The following HELQ variants were observed in gnomAD, a reference collection of about 807,000 sequenced individuals.
The protein encoded by HELQ is helicase, POLQ like.
In HELQ, 77 loss-of-function variants were observed where a neutral mutation model predicts 111.6. The observed-to-expected ratio is 0.69, with a 90% CI of 0.57 to 0.83. The LOEUF is 0.83. HELQ is among the 40% of genes least tolerant of loss of function. The pLI, the probability that HELQ is intolerant of heterozygous loss-of-function variation, is 0.00. For missense variants in HELQ, 1,200 were observed against 1,288.5 expected, an observed-to-expected ratio of 0.93 and a Z score of 1.05; for synonymous variants, 438 against 454.7, an observed-to-expected ratio of 0.96 and a Z score of 0.47.
In HELQ at chr4:83,432,134, T is replaced by C; in HGVS notation, c.2182A>G (p.Lys728Glu). 1.3e-6 allele frequency: 2 copies of C among 1,578,770 alleles called. No homozygotes were observed. The highest frequency in any genetic ancestry group is 1.8e-5 in the Admixed American group (1 of 54,506). The change falls in exon 10 of 18, where the codon AAA (lysine) becomes GAA (glutamate). Residue 728 changes from lysine (K) to glutamate (E), a missense_variant. By Grantham distance (56) the Lys-to-Glu change is moderately conservative (BLOSUM62 1). Around this residue, in one of 3 missense-constraint regions of HELQ, gnomAD observed 585 missense variants for 665.3 expected, o/e 0.88. Coordinates refer to ENST00000295488, the MANE Select transcript of HELQ (RefSeq NM_133636.5). Reference protein sequence around the residue: ...ESILILQEKDKQQVLELITKP... With the variant: ...ESILILQEKDEQQVLELITKP... ...ACCAAATTGAGTATTACCTGTTGTT[T>C]GTCTTTTTCTTGCAATATGAGGATA...
At chr4:83,429,892 A>G (rs746046642) in intron 11 of HELQ, 146 bp from the exon 12 acceptor site, 8 of 532,770 alleles carry the variant, frequency 1.5e-5, no homozygotes, top group Non-Finnish European at 2.3e-5. Context: ...GCATATATAA[A>G]TTTATAATGG....
intron 2 of HELQ, 66 bp downstream of exon 2, chr4:83,453,165 T>C: frequency 2.3e-6 from 2 of 866,686 alleles, no homozygotes; most frequent in Non-Finnish European, 3.6e-6. Flanking sequence ...TTTGCTTCTA[T>C]TTACTTGCAC....
chr4:83,450,251 A>AAAAAAAAAAAC (rs1721281450), intron 2 of HELQ, among the ~76,000 whole-genome samples: 1 of 141,728 alleles, frequency 7.1e-6, no homozygotes, highest in Non-Finnish European at 1.5e-5. Context: ...AAAAAAAAAA[A>AAAAAAAAAAAC]AAAGCAGATC....
chr4:83,443,128 A>T (rs1344129820), intron 6 of HELQ, among the ~76,000 whole-genome samples: 2 of 152,058 alleles, frequency 1.3e-5, no homozygotes, highest in Admixed American at 6.5e-5. Context: ...ATAAATATTT[A>T]AAAATATTTT....
intron 14 of HELQ, 84 bp from the exon 15 acceptor site, chr4:83,421,820 GTTGTA>G: frequency 2.0e-6 from 2 of 1,017,280 alleles, no homozygotes; most frequent in Non-Finnish European, 3.0e-6. Context: ...GAAAACTGAA[GTTGTA>G]TTACAGAATA....
intron 14 of HELQ, among the ~76,000 whole-genome samples, chr4:83,425,297 A>T (rs991670705): frequency 6.8e-5 from 10 of 147,392 alleles, no homozygotes; most frequent in Admixed American, 2.0e-4. Flanking sequence ...AAAAAAAAAA[A>T]GGTGTGGGGG....
In HELQ at chr4:83,408,552, C is replaced by CT. The variant is rs546749656; in HGVS notation, c.3199-993dup. 7.1e-3 allele frequency among the ~76,000 whole-genome samples: 1,007 copies of CT among 141,952 alleles called. 4 individuals are homozygous for CT. Among genetic ancestry groups the CT allele is most frequent in the South Asian group, 0.021 (95 of 4,442 alleles). 93.1% of individuals were successfully genotyped at this position (141,952 alleles called of 152,430 possible). On this transcript the variant is annotated intron_variant, in intron 17 of 17. Transcript: ENST00000295488. ...AGGTGTGAGCCACCATGCCCAGCCT[C>CT]TTTTTTTTTTTTTAATTAGAAAAAA...
chr4:83,450,639 A>G (rs1721310662), intron 2 of HELQ, among the ~76,000 whole-genome samples: 1 of 151,376 alleles, frequency 6.6e-6, no homozygotes, highest in Admixed American at 6.6e-5. Context: ...AAAATAACTA[A>G]TATTTATGAA....
chr4:83,434,847 C>T (rs780946877), intron 9 of HELQ, among the ~76,000 whole-genome samples: 6 of 151,772 alleles, frequency 4.0e-5, no homozygotes, highest in South Asian at 2.1e-4. Context: ...AAAAGAGATA[C>T]GAAAGCTGAA....
In HELQ at chr4:83,441,281, G is replaced by A. The variant is rs190990169; in HGVS notation, c.1662+24C>T. 4.7e-3 allele frequency: 6,139 copies of A among 1,313,008 alleles called. 27 individuals carry two copies. Among genetic ancestry groups the A allele is most frequent in the Admixed American group, 6.6e-3 (363 of 54,978 alleles). 81.3% of individuals were successfully genotyped at this position (1,313,008 alleles called of 1,614,324 possible). ...CCCAGACACAAAGTCTGGTAACCTG[G>A]AATTTAAATGTTATCAATGTTACCT... On this transcript the variant is annotated intron_variant, in intron 7 of 17. Transcript: ENST00000295488.
Position 83,421,588 on chromosome 4 carries a change from G to A in HELQ, c.2924C>T (p.Ser975Leu), listed in dbSNP as rs1313966637. 8.7e-6 allele frequency: 14 copies of A among 1,612,484 alleles called. No individual in the cohort carries two copies. The highest frequency in any genetic ancestry group is 1.2e-5 in the Non-Finnish European group (14 of 1,179,222). ...QNLLTGTASF[S>L]SCVLHFCEEL... ...CTCACAGAAATGTAACACACAAGAT[G>A]AGAATGAGGCAGTTCCAGTGAGAAG... The change falls in exon 15 of 18, where the codon TCA becomes TTA. Residue 975 changes from serine to leucine, a missense_variant. Ser to Leu is a moderately radical substitution (Grantham distance 145). Around this residue, in one of 3 missense-constraint regions of HELQ, gnomAD observed 585 missense variants for 665.3 expected, o/e 0.88. Coordinates refer to ENST00000295488, the MANE Select transcript of HELQ (RefSeq NM_133636.5).
intron 2 of HELQ, 135 bp from the exon 3 acceptor site, chr4:83,449,096 T>C: frequency 1.4e-6 from 1 of 707,626 alleles, no homozygotes; most frequent in Non-Finnish European, 2.3e-6. Context: ...ATAACCAATG[T>C]TACATGTCAA....
intron 2 of HELQ, 44 bp from the exon 3 acceptor site, chr4:83,449,005 C>CT: frequency 7.1e-7 from 1 of 1,408,328 alleles, no homozygotes; most frequent in Non-Finnish European, 9.6e-7. Flanking sequence ...CCCTTCCAAA[C>CT]TTTGAAACTC....
chr4:83,423,115 TAAAAA>T (rs1381656329), intron 14 of HELQ, among the ~76,000 whole-genome samples: 3 of 151,760 alleles, frequency 2.0e-5, no homozygotes, highest in East Asian at 1.9e-4. Flanking sequence ...AAGATGAACT[TAAAAA>T]AGAAAAAGTA....
chr4:83,445,907 T>G, intron 5 of HELQ, 107 bp downstream of exon 5: 1 of 699,182 alleles, frequency 1.4e-6, no homozygotes, highest in East Asian at 2.7e-5. Context: ...GCAAAAAGCT[T>G]AAGTATCTTG....
At chr4:83,426,419 T>C (rs1020953179) in intron 13 of HELQ, among the ~76,000 whole-genome samples, 1 of 151,486 alleles carries the variant, frequency 6.6e-6, no homozygotes, top group Non-Finnish European at 1.5e-5. Context: ...ACTTACTTCC[T>C]GAGTAATGTA....
chr4:83,436,445 G>A (rs916985035), intron 9 of HELQ, among the ~76,000 whole-genome samples: 5 of 152,082 alleles, frequency 3.3e-5, no homozygotes, highest in South Asian at 4.2e-4. Context: ...GGTAATCAAG[G>A]GCCTGCTTTA....
At chr4:83,442,057 G>A (rs761268143) in intron 6 of HELQ, among the ~76,000 whole-genome samples, 26 of 151,868 alleles carry the variant, frequency 1.7e-4, no homozygotes, top group Non-Finnish European at 2.2e-4. Context: ...GAGCCACCGT[G>A]TCCAGCCAAA....
chr4:83,409,403 A>T (rs1738968279), intron 17 of HELQ, among the ~76,000 whole-genome samples: 1 of 152,076 alleles, frequency 6.6e-6, no homozygotes, highest in South Asian at 2.1e-4. Context: ...ACAAAAAAAA[A>T]TTTAGCCAGG....
Sources: gnomAD v4.1 joint callset for allele counts (sites outside exome capture counted in the v4.1 genomes callset) on GRCh38, gnomAD v4.1.1 for gene constraint, gnomAD v4.1.1 regional missense constraint, MANE v1.5 for transcripts, NCBI Gene and HGNC (gene_info 2026-07-23, HGNC 2026-07-21) for gene names.